The following NMT2 variants were observed in gnomAD, a reference collection of about 807,000 sequenced individuals.
NMT2 encodes glycylpeptide N-tetradecanoyltransferase 2.
A neutral mutation model predicts 65.4 loss-of-function variants in NMT2; 35 were observed. That is an observed-to-expected ratio of 0.54 (90% confidence interval 0.41 to 0.71). The LOEUF (loss-of-function observed/expected upper bound fraction) is 0.71, where lower values mean the gene tolerates loss of function less well. NMT2 is among the 30% of genes least tolerant of loss of function. The probability of loss-of-function intolerance (pLI) is 0.00; values close to 1 mark genes in which losing one functional copy is unlikely to be tolerated. For missense variants in NMT2, 489 were observed against 611.3 expected (o/e 0.80, Z 2.11); for synonymous variants, 226 against 231.8 (o/e 0.98, Z 0.23).
chr10:15,161,821 T>C (rs1833209209), intron 1 of NMT2, among the ~76,000 whole-genome samples: 1 of 152,208 alleles, frequency 6.6e-6, no homozygotes, highest in Admixed American at 6.5e-5. Flanking sequence ...CAATTCCAGG[T>C]TATTTCAATT....
At chr10:15,151,418 C>T (rs1363686790) in intron 1 of NMT2, among the ~76,000 whole-genome samples, 1 of 152,138 alleles carries the variant, frequency 6.6e-6, no homozygotes, top group East Asian at 1.9e-4. Context: ...AAGCCCAATT[C>T]TGATAAGAGA....
chr10:15,132,750 C>T (rs1846327542), intron 6 of NMT2, 67 bp downstream of exon 6: 1 of 1,199,868 alleles, frequency 8.3e-7, no homozygotes, highest in African/African-American at 1.5e-5. Flanking sequence ...CTTTTAAAGG[C>T]CTAATCTAAT....
At chr10:15,154,269 C>T (rs1250514928) in intron 1 of NMT2, among the ~76,000 whole-genome samples, 3 of 152,212 alleles carry the variant, frequency 2.0e-5, no homozygotes, top group African/African-American at 7.2e-5. Context: ...AAGGGGCCCA[C>T]TGGCAGCCTT....
At chr10:15,138,438 T>C (rs1028966954) in intron 2 of NMT2, 2 of 471,064 alleles carry the variant, frequency 4.2e-6, no homozygotes, top group Non-Finnish European at 8.8e-6. Flanking sequence ...ATAGTAGCAC[T>C]ACCTGGGAAG....
intron 10 of NMT2, among the ~76,000 whole-genome samples, chr10:15,112,217 T>TATATA (rs1554820299): frequency 3.9e-4 from 3 of 7,698 alleles, no homozygotes; most frequent in Non-Finnish European, 2.6e-4. Flanking sequence ...TATATATATA[T>TATATA]TTTTTTTTTT....
chr10:15,132,884 C>T lies in NMT2; in HGVS notation c.652G>A (p.Val218Met). 6.2e-7 allele frequency: 1 copy of T among 1,613,988 alleles called. No individual in the cohort carries two copies. Among genetic ancestry groups the T allele is most frequent in the Non-Finnish European group, 8.5e-7 (1 of 1,179,918 alleles). ...WLLQWHCGVR[V>M]SSNKKLVGFI... ...CCGACCAGTTTTTTATTTGAAGACA[C>T]TCTGACCCCACAGTGCCACTGCAGG... The change falls in exon 6 of 12, where the codon GTG (valine) becomes ATG (methionine). Residue 218 changes from valine to methionine, a missense_variant. Coordinates refer to ENST00000378165, the MANE Select transcript of NMT2 (RefSeq NM_004808.3).
intron 9 of NMT2, among the ~76,000 whole-genome samples, chr10:15,117,447 G>T (rs1161005150): frequency 6.6e-6 from 1 of 152,166 alleles, no homozygotes; most frequent in Non-Finnish European, 1.5e-5. Flanking sequence ...CATACTTCAT[G>T]GTGAAAGAGT....
intron 2 of NMT2, chr10:15,140,926 G>T: frequency 7.2e-7 from 1 of 1,392,902 alleles, no homozygotes; most frequent in Non-Finnish European, 1.0e-6. Flanking sequence ...CCCACCCTTG[G>T]CATTAGAATG....
chr10:15,149,370 TCATCACCAC>T (rs1215527583), intron 1 of NMT2, among the ~76,000 whole-genome samples: 1 of 145,450 alleles, frequency 6.9e-6, no homozygotes. Flanking sequence ...ATCATCACCA[TCATCACCAC>T]CATTGCCACT....
chr10:15,119,642 G>T, intron 8 of NMT2, 129 bp from the exon 9 acceptor site: 1 of 668,624 alleles, frequency 1.5e-6, no homozygotes, highest in Non-Finnish European at 2.6e-6. Flanking sequence ...GAGCTGCAGA[G>T]CCTGGCCCTG....
intron 3 of NMT2, among the ~76,000 whole-genome samples, chr10:15,133,792 T>G (rs2131549966): frequency 6.6e-6 from 1 of 152,266 alleles, no homozygotes; most frequent in South Asian, 2.1e-4. Context: ...CTCATTATGT[T>G]GCCCAAGCTG....
chr10:15,150,852 A>G (rs111947948), intron 1 of NMT2, among the ~76,000 whole-genome samples: 2,299 of 152,232 alleles, frequency 0.015, 50 homozygotes, highest in African/African-American at 0.052. Flanking sequence ...GAATCAATAC[A>G]AGCGTGGCTG....
intron 6 of NMT2, among the ~76,000 whole-genome samples, chr10:15,130,703 C>CAAAAAAAAAAAAAAAAAAAAAA: frequency 3.5e-5 from 1 of 28,632 alleles, no homozygotes; most frequent in Non-Finnish European, 6.7e-5. Context: ...GGCCCTGTCT[C>CAAAAAAAAAAAAAAAAAAAAAA]AAAAAAAAAA....
At chr10:15,164,904 G>A (rs763415663) in intron 1 of NMT2, among the ~76,000 whole-genome samples, 2 of 152,128 alleles carry the variant, frequency 1.3e-5, no homozygotes, top group African/African-American at 4.8e-5. Flanking sequence ...GGTGGCACAC[G>A]CCTGTAATCC....
chr10:15,146,722 C>T (rs895169837), intron 1 of NMT2, among the ~76,000 whole-genome samples: 1 of 152,166 alleles, frequency 6.6e-6, no homozygotes, highest in Non-Finnish European at 1.5e-5. Flanking sequence ...AGGGAACTTC[C>T]ACTGTGTTGT....
At chr10:15,130,703 C>CAAAAAAAAAAAAAAAAAAAAAAA (rs974360507) in intron 6 of NMT2, among the ~76,000 whole-genome samples, 2 of 28,628 alleles carry the variant, frequency 7.0e-5, no homozygotes, top group African/African-American at 2.5e-4. Context: ...GGCCCTGTCT[C>CAAAAAAAAAAAAAAAAAAAAAAA]AAAAAAAAAA....
Position 15,108,240 on chromosome 10 carries a change from T to G in NMT2, c.*955A>C. On this transcript the variant is annotated 3_prime_UTR_variant, in exon 12 of 12. Coordinates refer to ENST00000378165, the MANE Select transcript of NMT2 (RefSeq NM_004808.3). ...TCACGCTCTGTCACCCAGGCTGGAG[T>G]GCAGTGGCTCGATCTCGGCTCACTG... The G allele has an allele frequency of 1.1e-6, 1 of 949,210 alleles. No homozygotes were observed. Among genetic ancestry groups the G allele is most frequent in the Non-Finnish European group, 1.3e-6 (1 of 799,376 alleles). 58.8% of individuals were successfully genotyped at this position (949,210 alleles called of 1,614,324 possible).
At chr10:15,159,523 C>T (rs756722165) in intron 1 of NMT2, among the ~76,000 whole-genome samples, 2 of 151,978 alleles carry the variant, frequency 1.3e-5, no homozygotes, top group Non-Finnish European at 2.9e-5. Flanking sequence ...CTCCATCTCT[C>T]GGGTTCAAGC....
chr10:15,168,452 G>T, intron 1 of NMT2, 51 bp downstream of exon 1: 2 of 1,379,286 alleles, frequency 1.5e-6, no homozygotes, highest in Non-Finnish European at 2.0e-6. Flanking sequence ...AGACCGTGGC[G>T]CGCGCGGTCC....
Sources: allele counts gnomAD v4.1 joint callset (sites outside exome capture counted in the v4.1 genomes callset), GRCh38; gene constraint gnomAD v4.1.1; transcripts MANE v1.5; gene names NCBI Gene and HGNC (gene_info 2026-07-23, HGNC 2026-07-21).